C12orf75: variants seen among roughly 807,000 people sequenced by gnomAD.
C12orf75 encodes overexpressed in colon carcinoma 1 protein.
A neutral mutation model predicts 11.4 loss-of-function variants in C12orf75; 4 were observed. That is an observed-to-expected ratio of 0.35 (90% confidence interval 0.17 to 0.80). C12orf75 has a LOEUF of 0.80. Ranked by LOEUF, C12orf75 falls within the 30% of genes least tolerant of loss-of-function variation. The probability of loss-of-function intolerance (pLI) is 0.52; values close to 1 mark genes in which losing one functional copy is unlikely to be tolerated. For synonymous variants in C12orf75, 30 were observed against 30.0 expected (o/e 1.00, Z 0.00); for missense variants, 89 against 80.4 (o/e 1.11, Z -0.41).
intron 1 of C12orf75, among the ~76,000 whole-genome samples, chr12:105,339,204 A>G (rs1892535192): frequency 6.6e-6 from 1 of 151,952 alleles, no homozygotes; most frequent in Admixed American, 6.5e-5. Flanking sequence ...CAAGCTGTCA[A>G]AATTAAAGAG....
intron 1 of C12orf75, among the ~76,000 whole-genome samples, chr12:105,338,481 G>C (rs970968719): frequency 6.6e-6 from 1 of 151,938 alleles, no homozygotes; most frequent in African/African-American, 2.4e-5. Flanking sequence ...GCCATTTTTT[G>C]GTTTTTACTT....
chr12:105,336,356 A>G (rs955723589), intron 1 of C12orf75, among the ~76,000 whole-genome samples: 1 of 152,236 alleles, frequency 6.6e-6, no homozygotes, highest in Non-Finnish European at 1.5e-5. Context: ...ACCTTGGGCA[A>G]TTTGCTGAGG....
chr12:105,356,530 A>G (rs12228619), intron 2 of C12orf75, among the ~76,000 whole-genome samples: 7,567 of 151,754 alleles, frequency 0.05, 276 homozygotes, highest in East Asian at 0.15. Flanking sequence ...TAAGTAAAAA[A>G]TAAATCATTT....
chr12:105,344,431 T>G (rs768853504), intron 1 of C12orf75, among the ~76,000 whole-genome samples: 2 of 152,150 alleles, frequency 1.3e-5, no homozygotes, highest in Non-Finnish European at 2.9e-5. Context: ...TTGTACTAGG[T>G]CACCCCTCAT....
At chr12:105,338,019 T>C (rs1309012341) in intron 1 of C12orf75, among the ~76,000 whole-genome samples, 1 of 152,194 alleles carries the variant, frequency 6.6e-6, no homozygotes, top group African/African-American at 2.4e-5. Context: ...TCAGTTATAT[T>C]AAATTTCTCT....
Position 105,370,750 on chromosome 12 carries a change from G to A in C12orf75, c.*150G>A. ...TTTTGCATTCCCCCAAATCTTAAGT[G>A]TATACATAAAACCCTGGGTACATAT... On this transcript the variant is annotated 3_prime_UTR_variant, in exon 6 of 6. Coordinates refer to ENST00000443585, the MANE Select transcript of C12orf75 (RefSeq NM_001145199.2). 1 of 457,508 alleles carries A rather than the reference G, an allele frequency of 2.2e-6. No individual in the cohort carries two copies. Among genetic ancestry groups the A allele is most frequent in the East Asian group, 6.9e-5 (1 of 14,396 alleles). 28.3% of individuals were successfully genotyped at this position (457,508 alleles called of 1,614,324 possible).
At chr12:105,335,157 G>A (rs117673372) in intron 1 of C12orf75, among the ~76,000 whole-genome samples, 2,372 of 152,284 alleles carry the variant, frequency 0.016, 25 homozygotes, top group Non-Finnish European at 0.024. Flanking sequence ...ACAATAGTCC[G>A]AGGGGGAGGA....
chr12:105,354,550 A>G (rs1892751568), intron 2 of C12orf75, among the ~76,000 whole-genome samples: 1 of 152,228 alleles, frequency 6.6e-6, no homozygotes, highest in Non-Finnish European at 1.5e-5. Flanking sequence ...ACTTGGCATT[A>G]TGCTTGTTGC....
intron 5 of C12orf75, among the ~76,000 whole-genome samples, chr12:105,369,228 C>T (rs1021773345): frequency 3.3e-5 from 5 of 152,036 alleles, no homozygotes; most frequent in Admixed American, 2.0e-4. Context: ...GATGATTGCT[C>T]ACCCTTGTGG....
chr12:105,334,737 A>T (rs1399309352), intron 1 of C12orf75, among the ~76,000 whole-genome samples: 1 of 152,126 alleles, frequency 6.6e-6, no homozygotes. Context: ...TTCTTTACTC[A>T]CTTGTTTTTC....
intron 1 of C12orf75, among the ~76,000 whole-genome samples, chr12:105,337,185 G>C (rs768174810): frequency 6.6e-6 from 1 of 151,956 alleles, no homozygotes; most frequent in African/African-American, 2.4e-5. Context: ...TTAACCAGGC[G>C]TGGTGGCGCA....
chr12:105,361,582 A>G (rs1308596412), intron 2 of C12orf75, among the ~76,000 whole-genome samples: 1 of 152,240 alleles, frequency 6.6e-6, no homozygotes, highest in African/African-American at 2.4e-5. Context: ...TAAAAACCTA[A>G]TAACCTGAGG....
chr12:105,357,907 C>T (rs1452847673), intron 2 of C12orf75, among the ~76,000 whole-genome samples: 3 of 151,802 alleles, frequency 2.0e-5, no homozygotes, highest in East Asian at 1.9e-4. Flanking sequence ...TGCAGTGGTG[C>T]GATCATGACT....
chr12:105,333,750 CTG>C (rs1892466487), intron 1 of C12orf75, among the ~76,000 whole-genome samples: 1 of 152,158 alleles, frequency 6.6e-6, no homozygotes, highest in Non-Finnish European at 1.5e-5. Context: ...ACACTGTAAA[CTG>C]TAATTATTAC....
In C12orf75 at chr12:105,330,867, C is replaced by A; in HGVS notation, c.-25C>A. On this transcript the variant is annotated 5_prime_UTR_variant, in exon 1 of 6. Transcript: ENST00000443585. ...GGACCCGCGGCCGAGAGCTCCGGAG[C>A]GCGGCTTCCCCGGCCGGCTGCGCGA... 2.4e-6 allele frequency: 3 copies of A among 1,253,588 alleles called. No homozygotes were observed. Among genetic ancestry groups the A allele is most frequent in the Non-Finnish European group, 3.0e-6 (3 of 1,000,096 alleles). 77.7% of individuals were successfully genotyped at this position (1,253,588 alleles called of 1,614,324 possible). A position where few individuals can be genotyped will look rare whatever the true frequency, so the allele number is the denominator to read the frequency against.
intron 1 of C12orf75, among the ~76,000 whole-genome samples, chr12:105,345,831 G>GT (rs1447514749): frequency 2.7e-5 from 4 of 148,594 alleles, no homozygotes; most frequent in Non-Finnish European, 5.9e-5. Context: ...GCTAATTTTT[G>GT]TATTTTTTTT....
chr12:105,351,324 G>A (rs1451406769), intron 2 of C12orf75, among the ~76,000 whole-genome samples: 3 of 152,040 alleles, frequency 2.0e-5, no homozygotes, highest in South Asian at 2.1e-4. Flanking sequence ...TTAGAATAGG[G>A]CAAACACAAT....
At chr12:105,355,864 G>C (rs1892775058) in intron 2 of C12orf75, among the ~76,000 whole-genome samples, 1 of 158 alleles carries the variant, frequency 6.3e-3, no homozygotes. Context: ...AGAATAACTG[G>C]GGGGAGGAGA....
intron 5 of C12orf75, 32 bp downstream of exon 5, chr12:105,367,541 A>T: frequency 1.8e-6 from 1 of 562,862 alleles, no homozygotes; most frequent in Non-Finnish European, 3.1e-6. Context: ...AATTCTATAT[A>T]TTTAGACTTA....
Sources: allele counts gnomAD v4.1 joint callset (sites outside exome capture counted in the v4.1 genomes callset), GRCh38; gene constraint gnomAD v4.1.1; transcripts MANE v1.5; gene names NCBI Gene and HGNC (gene_info 2026-07-23, HGNC 2026-07-21).